NFRKB: variants seen among roughly 807,000 people sequenced by gnomAD.
NFRKB encodes nuclear factor related to kappa-B-binding protein.
In NFRKB, 62 loss-of-function variants were observed where a neutral mutation model predicts 135.7. That is an observed-to-expected ratio of 0.46 (90% CI 0.37 to 0.56). The LOEUF (loss-of-function observed/expected upper bound fraction) is 0.56, where lower values mean the gene tolerates loss of function less well. Ranked by LOEUF, NFRKB falls within the 20% of genes least tolerant of loss-of-function variation. The pLI is 0.00. For synonymous variants in NFRKB, 678 were observed against 635.6 expected, an observed-to-expected ratio of 1.07 and a Z score of -1.00; for missense variants, 1,545 against 1,662.0, an observed-to-expected ratio of 0.93 and a Z score of 1.22.
At chr11:129,887,058 G>A (rs1202523767) in intron 4 of NFRKB, among the ~76,000 whole-genome samples, 1 of 152,240 alleles carries the variant, frequency 6.6e-6, no homozygotes, top group East Asian at 1.9e-4. Flanking sequence ...AAGTTGTCAA[G>A]TTTAACAGAA....
chr11:129,865,832 A>C, intron 25 of NFRKB, 45 bp downstream of exon 25: 1 of 1,584,014 alleles, frequency 6.3e-7, no homozygotes, highest in Non-Finnish European at 8.7e-7. Context: ...CCTGCCTGCC[A>C]CCTCCACCCC....
Position 129,873,001 on chromosome 11 carries a change from G to A in NFRKB, c.2646C>T (p.Leu882=), listed in dbSNP as rs1384378024. 6.2e-7 allele frequency: 1 copy of A among 1,614,228 alleles called. No individual in the cohort carries two copies. The highest frequency in any genetic ancestry group is 1.1e-5 in the South Asian group (1 of 91,082). Residue 882 remains leucine (L), a synonymous_variant, in exon 23 of 27, where the codon CTC becomes CTT. Coordinates refer to ENST00000682444, the MANE Select transcript of NFRKB (RefSeq NM_001143835.2). ...PGQTGLTVTS[L]PATASPVSKP... is the part of the protein sequence containing the mutation. ...TACTCACAGGGCTGGCTGTGGCAGG[G>A]AGACTTGTCACCGTGAGCCCTGTCT... is the stretch of plus-strand genomic sequence containing the variant.
intron 1 of NFRKB, among the ~76,000 whole-genome samples, chr11:129,895,201 C>T (rs902943381): frequency 4.6e-5 from 7 of 152,180 alleles, no homozygotes; most frequent in Non-Finnish European, 1.0e-4. Context: ...CGGGTCCTTC[C>T]AGAGCAACCG....
rs914842423 is a variant in NFRKB, at chr11:129,879,171, G to A, written c.1385-628C>T. Among the ~76,000 whole-genome samples, 13 of 152,214 alleles carry A rather than the reference G, an allele frequency of 8.5e-5. No individual in the cohort carries two copies. The East Asian group carries it at 2.3e-3, about 27-fold the overall frequency. ...GCATAGAAGCCACAGGACCATCATC[G>A]GCCAGGTCTGCTTATGTGATGAATG... On this transcript the variant is annotated intron_variant, in intron 13 of 26. Transcript: ENST00000682444.
Position 129,874,788 on chromosome 11 carries a change from C to T in NFRKB, c.1978+5G>A. On this transcript the variant is annotated splice_donor_5th_base_variant and intron_variant, in intron 19 of 26. Transcript: ENST00000682444. The surrounding 1 kb of genome is among the most constrained non-coding windows in gnomAD (Gnocchi z 4.5). ...GGTCGGACAGTGCCCAGAGGCCTCA[C>T]ACACCAAACTCTTCTTCACTCCGGT... 1 of 1,614,192 alleles carries T rather than the reference C, an allele frequency of 6.2e-7. No individual in the cohort carries two copies. Among genetic ancestry groups the T allele is most frequent in the Non-Finnish European group, 8.5e-7 (1 of 1,180,034 alleles).
intron 23 of NFRKB, among the ~76,000 whole-genome samples, chr11:129,872,116 T>G (rs1186011704): frequency 6.6e-6 from 1 of 152,170 alleles, no homozygotes; most frequent in African/African-American, 2.4e-5. Context: ...CTCCAATCAC[T>G]GCAGCTAAAA....
Position 129,868,555 on chromosome 11 carries a change from G to A in NFRKB, c.3531+939C>T, listed in dbSNP as rs189693823. Reference sequence around the variant, plus strand: ...CTCCATGTGCGCACCCCCAAGGCTCGCACTAGCACTCTCCGCTTCAGAAAC... The same window carrying A: ...CTCCATGTGCGCACCCCCAAGGCTCACACTAGCACTCTCCGCTTCAGAAAC... On this transcript the variant is annotated intron_variant, in intron 24 of 26. Coordinates refer to ENST00000682444, the MANE Select transcript of NFRKB (RefSeq NM_001143835.2). 2.1e-3 allele frequency among the ~76,000 whole-genome samples: 317 copies of A among 152,258 alleles called. 2 individuals carry two copies. The highest frequency in any genetic ancestry group is 3.1e-3 in the Non-Finnish European group (210 of 68,018).
intron 3 of NFRKB, among the ~76,000 whole-genome samples, chr11:129,889,189 T>C (rs186888905): frequency 6.9e-4 from 105 of 152,216 alleles, no homozygotes; most frequent in African/African-American, 2.4e-3. Flanking sequence ...CTCAAACTCC[T>C]GACCTGAGGT....
At position 129,864,751 on chromosome 11, in the gene NFRKB, G is replaced by A; in HGVS notation, c.3874C>T (p.Pro1292Ser). The A allele has an allele frequency of 6.2e-7, 1 of 1,614,246 alleles. No individual in the cohort carries two copies. Among genetic ancestry groups the A allele is most frequent in the Non-Finnish European group, 8.5e-7 (1 of 1,180,050 alleles). Residue 1292 changes from proline to serine, a missense_variant, in exon 27 of 27, where the codon CCT becomes TCT. This residue lies in a region of NFRKB where 753 missense variants were observed against 804.3 expected (regional missense o/e 0.94). Transcript: ENST00000682444. Reference protein sequence around the residue: ...STVVVTTAPSPKQAPEQQ With the variant: ...STVVVTTAPSSKQAPEQQ The stretch of plus-strand genomic sequence containing the variant: ...CATTGTTGCTCAGGTGCCTGTTTAG[G>A]AGACGGAGCTGTAGTCACAACAACA...
chr11:129,865,150 T>G (rs1163356659), intron 25 of NFRKB, 49 bp from the exon 26 acceptor site: 1 of 1,582,338 alleles, frequency 6.3e-7, no homozygotes, highest in Non-Finnish European at 8.6e-7. Flanking sequence ...ACAGGTATTC[T>G]CTGGCCCAGA....
At position 129,878,907 on chromosome 11, in the gene NFRKB, T is replaced by C. The variant is rs184169985; in HGVS notation, c.1385-364A>G. On this transcript the variant is annotated intron_variant, in intron 13 of 26. Coordinates refer to ENST00000682444, the MANE Select transcript of NFRKB (RefSeq NM_001143835.2). ...AAAAAGTGGTAAGCATCACAAAGGA[T>C]GTCATCATAGCTTATACCAAGGTAA... Among the ~76,000 whole-genome samples, 35 of 152,338 alleles carry C rather than the reference T, an allele frequency of 2.3e-4. No individual in the cohort carries two copies. The South Asian group carries it at 2.5e-3, about 11-fold the overall frequency.
chr11:129,873,876 C>T lies in NFRKB; in HGVS notation c.2419G>A (p.Val807Met), dbSNP rs774368020. 1 of 1,614,146 alleles carries T rather than the reference C, an allele frequency of 6.2e-7. No homozygotes were observed. Among genetic ancestry groups the T allele is most frequent in the Non-Finnish European group, 8.5e-7 (1 of 1,180,046 alleles). ...GCAGGAAGGCTAGGCTGGGCCACCACTCGCACCTGAGACAGTCCAGCAGAG... is the reference window on the plus strand; with the variant it reads ...GCAGGAAGGCTAGGCTGGGCCACCATTCGCACCTGAGACAGTCCAGCAGAG... Reference protein sequence around the residue: ...SGSAGLSQVRVVAQPSLPAVP... With the variant: ...SGSAGLSQVRMVAQPSLPAVP... Residue 807 changes from valine to methionine, a missense_variant, in exon 22 of 27, where the codon GTG (valine) becomes ATG (methionine). Coordinates refer to ENST00000682444, the MANE Select transcript of NFRKB (RefSeq NM_001143835.2).
At chr11:129,878,975 G>A (rs1433997002) in intron 13 of NFRKB, among the ~76,000 whole-genome samples, 1 of 152,172 alleles carries the variant, frequency 6.6e-6, no homozygotes, top group Non-Finnish European at 1.5e-5. Flanking sequence ...GGCTAGTGGG[G>A]CACAGAGAAA....
At chr11:129,890,495 G>C (rs896071627) in intron 3 of NFRKB, among the ~76,000 whole-genome samples, 3 of 152,198 alleles carry the variant, frequency 2.0e-5, no homozygotes, top group African/African-American at 7.2e-5. Flanking sequence ...TCAGAGAACA[G>C]CACACTGGTG....
At chr11:129,870,481 T>C (rs139679248) in intron 23 of NFRKB, among the ~76,000 whole-genome samples, 129 of 152,254 alleles carry the variant, frequency 8.5e-4, no homozygotes, top group African/African-American at 3.0e-3. Flanking sequence ...CCCTCCCCAC[T>C]GTGGTGGGGG....
chr11:129,875,388 T>C lies in NFRKB; in HGVS notation c.1823A>G (p.Gln608Arg), dbSNP rs1349357800. 1.2e-6 allele frequency: 2 copies of C among 1,613,404 alleles called. No homozygotes were observed. Among genetic ancestry groups the C allele is most frequent in the Non-Finnish European group, 1.7e-6 (2 of 1,179,868 alleles). Residue 608 changes from glutamine to arginine, a missense_variant, in exon 18 of 27, where the codon CAG (glutamine) becomes CGG (arginine). By Grantham distance (43) the Gln-to-Arg change is conservative (BLOSUM62 1). Transcript: ENST00000682444. ...GCTGGTGACATCTGGTGCAAGAAAC[T>C]GGGAGTCCTTAAGCAGTTCACAGAT... ...AEICELLKDS[Q>R]FLAPDVTSTQ...
chr11:129,874,383 A>C lies in NFRKB; in HGVS notation c.2059-50T>G. ...CACCTGGTGTCGTGAAGATCCCCCT[A>C]AAGGAAGGGACACCCCTACAGCTCC... On this transcript the variant is annotated intron_variant, in intron 20 of 26. Coordinates refer to ENST00000682444, the MANE Select transcript of NFRKB (RefSeq NM_001143835.2). The surrounding 1 kb of genome is among the most constrained non-coding windows in gnomAD (Gnocchi z 4.5). 2.0e-6 allele frequency: 3 copies of C among 1,522,746 alleles called. No individual in the cohort carries two copies. The South Asian group carries it at 4.0e-5, about 20-fold the overall frequency. The allele number at this position is 1,522,746 out of a possible 1,614,324, so 94.3% of individuals were successfully genotyped here.
At chr11:129,878,673 A>C (rs1948888417) in intron 13 of NFRKB, 130 bp from the exon 14 acceptor site, 1 of 771,518 alleles carries the variant, frequency 1.3e-6, no homozygotes, top group Non-Finnish European at 2.1e-6. Context: ...AATCCTTCAC[A>C]CATCCACTGC....
rs966457836 is a variant in NFRKB at position 129,875,255 on chromosome 11, CTTCA to C, written c.1854+98_1854+101del. On this transcript the variant is annotated intron_variant, in intron 18 of 26. Transcript: ENST00000682444. ...TGCATTTTTCAAGGTATGTTTTTCACTTCATTCAGTTTTTAAAAATTTTGTTATA... is the reference window on the plus strand; with the variant it reads ...TGCATTTTTCAAGGTATGTTTTTCACTTCAGTTTTTAAAAATTTTGTTATA... The C allele has an allele frequency of 2.2e-5, 22 of 998,710 alleles. No homozygotes were observed. In the Admixed American group the frequency reaches 5.3e-4, roughly 24 times the overall value. 61.9% of individuals were successfully genotyped at this position (998,710 alleles called of 1,614,324 possible). A position where few individuals can be genotyped will look rare whatever the true frequency, so the allele number is the denominator to read the frequency against.
Sources: gnomAD v4.1 joint callset for allele counts (sites outside exome capture counted in the v4.1 genomes callset) on GRCh38, gnomAD v4.1.1 for gene constraint, gnomAD v4.1.1 regional missense constraint, Gnocchi (gnomAD v3.1) non-coding constraint, MANE v1.5 for transcripts, NCBI Gene and HGNC (gene_info 2026-07-23, HGNC 2026-07-21) for gene names.